ADH1C: variants seen among roughly 807,000 people sequenced by gnomAD.
The protein encoded by ADH1C is alcohol dehydrogenase 1C.
Under a neutral mutation model 35.0 loss-of-function variants are expected in ADH1C, and 26 were observed. The ratio of observed to expected loss-of-function variants is 0.74; its 90% CI spans 0.54 to 1.03. The LOEUF (loss-of-function observed/expected upper bound fraction) is 1.03. Ranked by LOEUF, ADH1C falls within the 50% of genes least tolerant of loss-of-function variation. The pLI is 0.00. For synonymous variants in ADH1C, 170 were observed against 169.3 expected (o/e 1.00, Z -0.03); for missense variants, 413 against 465.4 (o/e 0.89, Z 1.04).
intron 6 of ADH1C, among the ~76,000 whole-genome samples, chr4:99,342,017 A>C (rs796638959): frequency 6.6e-6 from 1 of 151,270 alleles, no homozygotes; most frequent in African/African-American, 2.4e-5. Context: ...TCTCAAAAAA[A>C]AAAAAAAAAT....
intron 6 of ADH1C, among the ~76,000 whole-genome samples, 190 bp downstream of exon 6, chr4:99,342,605 G>T (rs1693480): frequency 2.0e-5 from 3 of 151,934 alleles, no homozygotes; most frequent in Non-Finnish European, 2.9e-5. Context: ...ACTTGAGACA[G>T]GTTTGCTTAG....
At chr4:99,347,601 A>G (rs1734567080) in intron 2 of ADH1C, 144 bp downstream of exon 2, 1 of 993,060 alleles carries the variant, frequency 1.0e-6, no homozygotes, top group Non-Finnish European at 1.4e-6. Context: ...TTAACAATTT[A>G]TACTTTCCTT....
chr4:99,340,461 G>T lies in ADH1C; in HGVS notation c.964+114C>A, dbSNP rs368858720. 8 of 1,300,540 alleles carry T rather than the reference G, an allele frequency of 6.2e-6. No individual in the cohort carries two copies. The East Asian group carries it at 7.0e-5, about 11-fold the overall frequency. The allele number at this position is 1,300,540 out of a possible 1,614,324, so 80.6% of individuals were successfully genotyped here. On this transcript the variant is annotated intron_variant, in intron 7 of 8. Coordinates refer to ENST00000515683, the MANE Select transcript of ADH1C (RefSeq NM_000669.5). The stretch of plus-strand genomic sequence containing the variant: ...CTGCATTATTGGAGACTATAGAAAA[G>T]AAATTTTAATTTATTTTTAATTTCA...
chr4:99,352,101 T>G (rs1579537832), intron 1 of ADH1C, among the ~76,000 whole-genome samples: 2 of 152,240 alleles, frequency 1.3e-5, no homozygotes, highest in African/African-American at 4.8e-5. Flanking sequence ...TTGCTTAACC[T>G]TGATGATTCT....
Position 99,342,779 on chromosome 4 carries a change from A to T in ADH1C, c.828+16T>A. On this transcript the variant is annotated intron_variant, in intron 6 of 8. Coordinates refer to ENST00000515683, the MANE Select transcript of ADH1C (RefSeq NM_000669.5). ...GTTGCAGAGGCAGAAATTTCAGGGCATGTCACGGATCATACCATGGTGTCA... is the reference window on the plus strand; with the variant it reads ...GTTGCAGAGGCAGAAATTTCAGGGCTTGTCACGGATCATACCATGGTGTCA... The T allele has an allele frequency of 6.2e-7, 1 of 1,613,868 alleles. No homozygotes were observed. The highest frequency in any genetic ancestry group is 8.5e-7 in the Non-Finnish European group (1 of 1,179,718).
rs752872690 is a variant in ADH1C, at chr4:99,352,723, G to A, written c.-48C>T. The A allele has an allele frequency of 4.4e-6, 7 of 1,601,556 alleles. No individual in the cohort carries two copies. Among genetic ancestry groups the A allele is most frequent in the Non-Finnish European group, 6.0e-6 (7 of 1,169,424 alleles). ...ACCAGGAGGCTGGTGAGTACTTGTGGATTTCTTCTCTGCTTGAGTGCATAA... is the reference window on the plus strand; with the variant it reads ...ACCAGGAGGCTGGTGAGTACTTGTGAATTTCTTCTCTGCTTGAGTGCATAA... On this transcript the variant is annotated 5_prime_UTR_variant, in exon 1 of 9. Coordinates refer to ENST00000515683, the MANE Select transcript of ADH1C (RefSeq NM_000669.5).
intron 8 of ADH1C, among the ~76,000 whole-genome samples, chr4:99,339,246 T>A (rs763912411): frequency 1.5e-4 from 23 of 152,136 alleles, no homozygotes; most frequent in Non-Finnish European, 2.9e-4. Flanking sequence ...CATGTTATAA[T>A]TCTGGTTGCT....
At chr4:99,349,413 A>G (rs371329871) in intron 1 of ADH1C, among the ~76,000 whole-genome samples, 11 of 152,178 alleles carry the variant, frequency 7.2e-5, no homozygotes, top group African/African-American at 2.2e-4. Flanking sequence ...TTTAATCCTG[A>G]TATTTTCTAA....
chr4:99,338,404 T>C (rs1734330001), intron 8 of ADH1C, among the ~76,000 whole-genome samples: 5 of 22,584 alleles, frequency 2.2e-4, no homozygotes, highest in African/African-American at 8.7e-4. Context: ...TCTATATATA[T>C]ATATATATAT....
intron 8 of ADH1C, among the ~76,000 whole-genome samples, chr4:99,339,368 G>C (rs1178138607): frequency 3.9e-5 from 6 of 152,092 alleles, no homozygotes; most frequent in African/African-American, 1.4e-4. Context: ...GCCTTCAGCA[G>C]AATAGGAAAT....
At chr4:99,343,221 A>C (rs975814085) in intron 5 of ADH1C, among the ~76,000 whole-genome samples, 166 bp from the exon 6 acceptor site, 4 of 152,202 alleles carry the variant, frequency 2.6e-5, no homozygotes, top group Non-Finnish European at 4.4e-5. Flanking sequence ...TTTAAATTCA[A>C]GGGGTTGAAT....
At chr4:99,349,888 A>G (rs557610792) in intron 1 of ADH1C, among the ~76,000 whole-genome samples, 20 of 152,292 alleles carry the variant, frequency 1.3e-4, no homozygotes, top group Admixed American at 2.0e-4. Flanking sequence ...GTTTCTAGCT[A>G]GCAAGCTTAT....
chr4:99,339,546 A>C, intron 8 of ADH1C, 31 bp downstream of exon 8: 3 of 1,477,556 alleles, frequency 2.0e-6, no homozygotes, highest in African/African-American at 1.5e-5. Context: ...GTAGAATACA[A>C]AGCAAAACAA....
At chr4:99,340,072 C>T (rs992140648) in intron 7 of ADH1C, among the ~76,000 whole-genome samples, 2 of 152,086 alleles carry the variant, frequency 1.3e-5, no homozygotes, top group African/African-American at 2.4e-5. Context: ...GTCACAAGTA[C>T]AAAAAGAGGT....
intron 8 of ADH1C, among the ~76,000 whole-genome samples, chr4:99,338,254 C>T (rs1266084121): frequency 6.6e-6 from 1 of 150,378 alleles, no homozygotes; most frequent in Non-Finnish European, 1.5e-5. Flanking sequence ...TGAATTTAGG[C>T]ATGCTCCATG....
rs1178389916 is a variant in ADH1C, at chr4:99,338,420, TATATATATATATATATATATATATAC to T, written c.1103+1131_1103+1156del. Among the ~76,000 whole-genome samples the T allele has an allele frequency of 3.0e-3, 211 of 69,310 alleles. 14 individuals are homozygous for T. Among genetic ancestry groups the T allele is most frequent in the Middle Eastern group, 0.027 (4 of 146 alleles). The allele number at this position is 69,310 out of a possible 152,430, so 45.5% of individuals were successfully genotyped here. ...CTATATATATATATATATATATATA[TATATATATATATATATATATATATAC>T]ACACTCTTGAGGGGTGGTGTGGTTT... On this transcript the variant is annotated intron_variant, in intron 8 of 8. Transcript: ENST00000515683.
At chr4:99,348,216 G>C (rs13118443) in intron 1 of ADH1C, among the ~76,000 whole-genome samples, 1 of 150,268 alleles carries the variant, frequency 6.7e-6, no homozygotes, top group East Asian at 2.0e-4. Context: ...ATGCTGGTGC[G>C]CTGCACCCAC....
Position 99,344,842 on chromosome 4 carries a change from T to C in ADH1C, c.567+20A>G. 6.2e-7 allele frequency: 1 copy of C among 1,613,988 alleles called. No homozygotes were observed. The highest frequency in any genetic ancestry group is 8.5e-7 in the Non-Finnish European group (1 of 1,179,856). On this transcript the variant is annotated intron_variant, in intron 5 of 8. Transcript: ENST00000515683. The stretch of plus-strand genomic sequence containing the variant: ...GACAGTCTGCGTGTAACCGGTTTTA[T>C]CATCCATTGTCATTTCTACCTTGGC...
intron 5 of ADH1C, 107 bp from the exon 6 acceptor site, chr4:99,343,162 T>C: frequency 1.4e-6 from 2 of 1,458,890 alleles, no homozygotes; most frequent in Non-Finnish European, 1.9e-6. Context: ...ACTCAGACTC[T>C]TCTGTCCAAT....
Sources: allele counts gnomAD v4.1 joint callset (sites outside exome capture counted in the v4.1 genomes callset), GRCh38; gene constraint gnomAD v4.1.1; transcripts MANE v1.5; gene names NCBI Gene and HGNC (gene_info 2026-07-23, HGNC 2026-07-21).